CPEB4: variants seen among roughly 807,000 people sequenced by gnomAD.
The protein encoded by CPEB4 is cytoplasmic polyadenylation element-binding protein 4.
Under a neutral mutation model 72.5 loss-of-function variants are expected in CPEB4, and 12 were observed. The ratio of observed to expected loss-of-function variants is 0.17; its 90% CI spans 0.11 to 0.27. CPEB4 has a LOEUF of 0.27. CPEB4 is among the 10% of genes least tolerant of loss of function. The probability of loss-of-function intolerance (pLI) is 1.00; values close to 1 mark genes in which losing one functional copy is unlikely to be tolerated. For synonymous variants in CPEB4, 302 were observed against 326.3 expected (o/e 0.93, Z 0.80); for missense variants, 614 against 908.5 (o/e 0.68, Z 4.17).
At chr5:173,934,892 A>G (rs1757568608) in intron 3 of CPEB4, among the ~76,000 whole-genome samples, 1 of 152,210 alleles carries the variant, frequency 6.6e-6, no homozygotes, top group Non-Finnish European at 1.5e-5. Context: ...TCTAGAGTGG[A>G]TCACATCTGT....
intron 9 of CPEB4, among the ~76,000 whole-genome samples, chr5:173,954,898 G>A (rs939581095): frequency 1.3e-5 from 2 of 151,980 alleles, no homozygotes; most frequent in East Asian, 1.9e-4. Context: ...CCTGGGCTTC[G>A]TGACACTCTT....
chr5:173,908,859 T>C (rs1043891955), intron 1 of CPEB4, among the ~76,000 whole-genome samples: 1 of 152,218 alleles, frequency 6.6e-6, no homozygotes, highest in Admixed American at 6.5e-5. Flanking sequence ...AATAGAAGTT[T>C]TAGAATTCTG....
rs1009131083 is a variant in CPEB4, at chr5:173,961,031, A to G, written c.*4894A>G. 22 of 152,342 alleles carry G rather than the reference A, an allele frequency of 1.4e-4. No homozygotes were observed. The highest frequency in any genetic ancestry group is 4.6e-4 in the African/African-American group (19 of 41,576). The allele number at this position is 152,342 out of a possible 1,614,324, so 9.4% of individuals were successfully genotyped here. ...ATTTAATATCTGTTCTTTCTTGAGT[A>G]TAGTATTCTCAAGACTAGAAGAGGT... is the stretch of plus-strand genomic sequence containing the variant. On this transcript the variant is annotated 3_prime_UTR_variant, in exon 10 of 10. Transcript: ENST00000265085.
intron 2 of CPEB4, among the ~76,000 whole-genome samples, chr5:173,926,614 C>A (rs1757251965): frequency 1.3e-5 from 2 of 152,226 alleles, no homozygotes; most frequent in Non-Finnish European, 2.9e-5. Context: ...TGCCAGGCTT[C>A]TGGTTCCAAA....
intron 2 of CPEB4, among the ~76,000 whole-genome samples, chr5:173,926,401 C>T (rs990391905): frequency 6.6e-6 from 1 of 152,202 alleles, no homozygotes; most frequent in Non-Finnish European, 1.5e-5. Flanking sequence ...CTGCCCCCAC[C>T]TATTCTAAGT....
At chr5:173,914,405 A>AAAAT (rs904096581) in intron 2 of CPEB4, among the ~76,000 whole-genome samples, 2 of 152,194 alleles carry the variant, frequency 1.3e-5, no homozygotes, top group African/African-American at 4.8e-5. Flanking sequence ...ATTCATTTTG[A>AAAAT]AAATAAATAA....
In CPEB4 at chr5:173,890,697, A is replaced by G; in HGVS notation, c.964A>G (p.Asn322Asp). ...AGGCCGAGATCACCGCAGAGGGCTG[A>G]ATGGTGGAATAACGCCCCTGAACTC... is the stretch of plus-strand genomic sequence containing the variant. ...SQGRDHRRGL[N>D]GGITPLNSIS... The change falls in exon 1 of 10, where the codon AAT becomes GAT. Residue 322 changes from asparagine (N) to aspartate (D), a missense_variant. Physicochemically the swap from Asn to Asp is conservative, Grantham distance 23. This residue lies in a region of CPEB4 where 458 missense variants were observed against 548.6 expected (regional missense o/e 0.83). Transcript: ENST00000265085. 6.2e-7 allele frequency: 1 copy of G among 1,614,208 alleles called. No individual in the cohort carries two copies. Among genetic ancestry groups the G allele is most frequent in the Non-Finnish European group, 8.5e-7 (1 of 1,180,040 alleles).
intron 2 of CPEB4, among the ~76,000 whole-genome samples, chr5:173,913,989 C>T (rs2113186006): frequency 6.6e-6 from 1 of 152,308 alleles, no homozygotes; most frequent in Non-Finnish European, 1.5e-5. Context: ...CTTTCATGCT[C>T]ATCAAAAAAG....
At chr5:173,896,896 A>G (rs1756035145) in intron 1 of CPEB4, among the ~76,000 whole-genome samples, 1 of 152,216 alleles carries the variant, frequency 6.6e-6, no homozygotes, top group South Asian at 2.1e-4. Flanking sequence ...CCCCATCTCT[A>G]GAAAAAATAC....
At position 173,890,411 on chromosome 5, in the gene CPEB4, C is replaced by A. The variant is rs146138676; in HGVS notation, c.678C>A (p.Ile226=). 3.0e-5 allele frequency: 49 copies of A among 1,613,898 alleles called. No individual in the cohort carries two copies. The highest frequency in any genetic ancestry group is 3.4e-5 in the Non-Finnish European group (40 of 1,179,898). ...TTGGAGGCAGCTTCTCTCCTCAGAT[C>A]GGGCCTCTCTCACAGCACCACCCAC... ...PGFGGSFSPQ[I]GPLSQHHPHH... Residue 226 remains isoleucine (I), a synonymous_variant, in exon 1 of 10, where the codon ATC becomes ATA. Coordinates refer to ENST00000265085, the MANE Select transcript of CPEB4 (RefSeq NM_030627.4).
At chr5:173,933,972 C>A (rs973308712) in intron 3 of CPEB4, among the ~76,000 whole-genome samples, 8 of 152,164 alleles carry the variant, frequency 5.3e-5, no homozygotes, top group Middle Eastern at 3.2e-3. Flanking sequence ...TCCTTGAGTC[C>A]AGGAATTCAA....
chr5:173,942,721 T>G (rs1022528898), intron 3 of CPEB4, among the ~76,000 whole-genome samples: 1 of 152,242 alleles, frequency 6.6e-6, no homozygotes, highest in Non-Finnish European at 1.5e-5. Context: ...TTTATTATGT[T>G]GTATACTGCC....
intron 3 of CPEB4, among the ~76,000 whole-genome samples, chr5:173,935,920 AG>A (rs1479658001): frequency 6.6e-6 from 1 of 152,218 alleles, no homozygotes; most frequent in Non-Finnish European, 1.5e-5. Context: ...AATTTCCTAC[AG>A]TTTCATACAA....
chr5:173,917,175 A>G (rs359413), intron 2 of CPEB4, among the ~76,000 whole-genome samples: 17,523 of 152,266 alleles, frequency 0.12, 1,175 homozygotes, highest in Middle Eastern at 0.21. Context: ...GTAATTTGGG[A>G]ATAAATAATT....
chr5:173,949,149 G>A (rs1461660384), intron 5 of CPEB4, among the ~76,000 whole-genome samples: 3 of 152,180 alleles, frequency 2.0e-5, no homozygotes, highest in East Asian at 3.8e-4. Flanking sequence ...TCTGTGAATC[G>A]CATAGTAGTG....
chr5:173,956,200 C>A lies in CPEB4; in HGVS notation c.*63C>A. 1 of 1,318,468 alleles carries A rather than the reference C, an allele frequency of 7.6e-7. No homozygotes were observed. The highest frequency in any genetic ancestry group is 1.1e-6 in the Non-Finnish European group (1 of 916,126). The allele number at this position is 1,318,468 out of a possible 1,614,324, so 81.7% of individuals were successfully genotyped here. Reference sequence around the variant, plus strand: ...AGTGCACTCTTCTGTTCATTCTGACCCCTTCCTCAACCTCTTCACGCTGGC... The same window carrying A: ...AGTGCACTCTTCTGTTCATTCTGACACCTTCCTCAACCTCTTCACGCTGGC... On this transcript the variant is annotated 3_prime_UTR_variant, in exon 10 of 10. Coordinates refer to ENST00000265085, the MANE Select transcript of CPEB4 (RefSeq NM_030627.4).
intron 3 of CPEB4, among the ~76,000 whole-genome samples, chr5:173,934,192 G>GA (rs1255504121): frequency 2.6e-5 from 4 of 151,978 alleles, no homozygotes; most frequent in Admixed American, 6.5e-5. Flanking sequence ...CTCAAAAAAA[G>GA]AAAAAAGTAT....
intron 3 of CPEB4, among the ~76,000 whole-genome samples, chr5:173,939,913 A>AC (rs1158459848): frequency 6.6e-6 from 1 of 150,410 alleles, no homozygotes; most frequent in Non-Finnish European, 1.5e-5. Context: ...GGGGTTTGAG[A>AC]CCAGCCTGTT....
At position 173,890,777 on chromosome 5, in the gene CPEB4, T is replaced by C; in HGVS notation, c.1044T>C (p.Tyr348=). The C allele has an allele frequency of 6.2e-7, 1 of 1,614,230 alleles. No individual in the cohort carries two copies. Among genetic ancestry groups the C allele is most frequent in the South Asian group, 1.1e-5 (1 of 91,086 alleles). ...GCAATCATATTCAGCTCCAGAAGTA[T>C]GCTCGCCCCAGCTCTGCCTTTGCAC... is the stretch of plus-strand genomic sequence containing the variant. ...FASNHIQLQK[Y]ARPSSAFAPK... Residue 348 remains tyrosine (Y), a synonymous_variant, in exon 1 of 10, where the codon TAT becomes TAC. Coordinates refer to ENST00000265085, the MANE Select transcript of CPEB4 (RefSeq NM_030627.4).
Sources: gnomAD v4.1 joint callset for allele counts (sites outside exome capture counted in the v4.1 genomes callset) on GRCh38, gnomAD v4.1.1 for gene constraint, gnomAD v4.1.1 regional missense constraint, MANE v1.5 for transcripts, NCBI Gene and HGNC (gene_info 2026-07-23, HGNC 2026-07-21) for gene names.